The following ITGA9 variants were observed in gnomAD, a reference collection of about 807,000 sequenced individuals.
The protein encoded by ITGA9 is integrin alpha-9.
Under a neutral mutation model 127.8 loss-of-function variants are expected in ITGA9, and 56 were observed. That is an observed-to-expected ratio of 0.44 (90% CI 0.35 to 0.55). ITGA9 has a LOEUF of 0.55. Among genes scored for constraint, ITGA9 ranks in the 20% least tolerant of loss-of-function variants. The probability of loss-of-function intolerance (pLI) is 0.00; values close to 1 mark genes in which losing one functional copy is unlikely to be tolerated. For synonymous variants in ITGA9, 508 were observed against 514.5 expected, an observed-to-expected ratio of 0.99 and a Z score of 0.17; for missense variants, 1,196 against 1,347.1, an observed-to-expected ratio of 0.89 and a Z score of 1.76.
At chr3:37,697,174 C>T (rs553809068) in intron 18 of ITGA9, among the ~76,000 whole-genome samples, 45 of 152,204 alleles carry the variant, frequency 3.0e-4, no homozygotes, top group African/African-American at 1.1e-3. Context: ...CTCGATTGTA[C>T]TCAGACTTGC....
At chr3:37,656,129 T>C (rs570996148) in intron 17 of ITGA9, among the ~76,000 whole-genome samples, 3 of 152,358 alleles carry the variant, frequency 2.0e-5, no homozygotes, top group Admixed American at 6.5e-5. Flanking sequence ...GGTAGCATGA[T>C]GCCTCCAGCT....
chr3:37,698,034 G>A (rs780647592), intron 18 of ITGA9, among the ~76,000 whole-genome samples: 1 of 152,200 alleles, frequency 6.6e-6, no homozygotes, highest in Non-Finnish European at 1.5e-5. Flanking sequence ...ATTCTAACTG[G>A]TGTGAGATGA....
chr3:37,575,849 C>G (rs981756035), intron 15 of ITGA9, among the ~76,000 whole-genome samples: 5 of 152,152 alleles, frequency 3.3e-5, no homozygotes, highest in African/African-American at 9.7e-5. Flanking sequence ...ACTGTGGAAA[C>G]CAGCCGTTAC....
intron 18 of ITGA9, among the ~76,000 whole-genome samples, chr3:37,724,311 C>G (rs1040174959): frequency 1.3e-5 from 2 of 152,178 alleles, no homozygotes; most frequent in African/African-American, 4.8e-5. Flanking sequence ...CAAGACCTAC[C>G]CTAGAGTCAC....
In ITGA9 at chr3:37,452,996, G is replaced by C. The variant is rs1006179556; in HGVS notation, c.185+437G>C. ...GGCACTGGAGCTGCACCCCTCCCCG[G>C]TTTTGGGGAACCCCTGAGGAAGGAG... is the stretch of plus-strand genomic sequence containing the variant. On this transcript the variant is annotated intron_variant, in intron 1 of 27. Coordinates refer to ENST00000264741, the MANE Select transcript of ITGA9 (RefSeq NM_002207.3). This position sits in a 1 kb window ranked among gnomAD's most constrained non-coding sequence, Gnocchi z 7.3. Among the ~76,000 whole-genome samples, 2 of 152,208 alleles carry C rather than the reference G, an allele frequency of 1.3e-5. No individual in the cohort carries two copies. Among genetic ancestry groups the C allele is most frequent in the South Asian group, 2.1e-4 (1 of 4,838 alleles).
intron 15 of ITGA9, among the ~76,000 whole-genome samples, chr3:37,554,959 C>T (rs1699416199): frequency 6.6e-6 from 1 of 152,012 alleles, no homozygotes; most frequent in Admixed American, 6.5e-5. Context: ...TGGGAGTCGC[C>T]AGCAGACAGA....
At chr3:37,511,890 A>C (rs570643838) in intron 8 of ITGA9, among the ~76,000 whole-genome samples, 1 of 152,314 alleles carries the variant, frequency 6.6e-6, no homozygotes, top group South Asian at 2.1e-4. Context: ...GTAAAAGAAA[A>C]GGCTTGTTCA....
At chr3:37,758,429 T>C (rs1383169551) in intron 23 of ITGA9, among the ~76,000 whole-genome samples, 1 of 150,478 alleles carries the variant, frequency 6.6e-6, no homozygotes, top group Non-Finnish European at 1.5e-5. Context: ...CTAAGTTGGT[T>C]CTCCATGAGG....
chr3:37,538,952 A>T (rs1312599361), intron 14 of ITGA9, among the ~76,000 whole-genome samples: 1 of 152,220 alleles, frequency 6.6e-6, no homozygotes, highest in Non-Finnish European at 1.5e-5. Flanking sequence ...TATGTCTGTG[A>T]TTGTATGTTT....
intron 13 of ITGA9, among the ~76,000 whole-genome samples, chr3:37,530,717 G>GTTTT (rs71094916): frequency 4.6e-5 from 4 of 86,254 alleles, no homozygotes; most frequent in African/African-American, 4.8e-5. Flanking sequence ...CAGCTACCAG[G>GTTTT]TTTTTTTTTT....
intron 18 of ITGA9, among the ~76,000 whole-genome samples, chr3:37,710,633 T>C (rs1701069382): frequency 6.6e-6 from 1 of 152,216 alleles, no homozygotes; most frequent in Admixed American, 6.5e-5. Context: ...TGTTATTTTT[T>C]ATTTTATCAG....
At chr3:37,466,483 CAAAAA>C (rs60980366) in intron 1 of ITGA9, among the ~76,000 whole-genome samples, 2 of 26,066 alleles carry the variant, frequency 7.7e-5, no homozygotes, top group Non-Finnish European at 1.2e-4. Flanking sequence ...GACACCATCT[CAAAAA>C]AAAAAAAAAA....
chr3:37,696,629 G>A (rs765516027), intron 18 of ITGA9, among the ~76,000 whole-genome samples: 1 of 152,148 alleles, frequency 6.6e-6, no homozygotes, highest in Non-Finnish European at 1.5e-5. Context: ...GCTGTCTCTA[G>A]TTTGGCATCT....
chr3:37,636,318 A>G (rs374056709), intron 16 of ITGA9, among the ~76,000 whole-genome samples: 6 of 152,000 alleles, frequency 3.9e-5, no homozygotes, highest in Non-Finnish European at 2.9e-5. Context: ...TTTAATGATC[A>G]CCATTCTAAC....
chr3:37,709,657 G>A lies in ITGA9; in HGVS notation c.2068-23055G>A, dbSNP rs181469087. The stretch of plus-strand genomic sequence containing the variant: ...CTCACCATGGGTGGACTGAGCAGAC[G>A]CCTGCCCTCACACACAACCCCATGC... On this transcript the variant is annotated intron_variant, in intron 18 of 27. Transcript: ENST00000264741. Among the ~76,000 whole-genome samples, 30 of 152,334 alleles carry A rather than the reference G, an allele frequency of 2.0e-4. No homozygotes were observed. The East Asian group carries it at 2.3e-3, about 12-fold the overall frequency.
chr3:37,498,377 CAG>C (rs1463467637), intron 5 of ITGA9, among the ~76,000 whole-genome samples: 1 of 152,090 alleles, frequency 6.6e-6, no homozygotes, highest in Admixed American at 6.5e-5. Flanking sequence ...GAGATGTTGA[CAG>C]AGAGCCGAGG....
chr3:37,708,633 G>GCACA (rs2125676890), intron 18 of ITGA9, among the ~76,000 whole-genome samples: 2 of 158 alleles, frequency 0.013, no homozygotes, highest in African/African-American at 0.031. Flanking sequence ...GGGTATGCCA[G>GCACA]GGATGCTGCT....
chr3:37,704,833 A>T (rs988976186), intron 18 of ITGA9, among the ~76,000 whole-genome samples: 1 of 152,204 alleles, frequency 6.6e-6, no homozygotes, highest in African/African-American at 2.4e-5. Flanking sequence ...GCAGAGTACA[A>T]TGTGGGCAAT....
At chr3:37,653,588 TG>T (rs1700449043) in intron 16 of ITGA9, 125 bp from the exon 17 acceptor site, 1 of 785,626 alleles carries the variant, frequency 1.3e-6, no homozygotes, top group Non-Finnish European at 2.3e-6. Context: ...TTTTTGGAGG[TG>T]GGAGTAGAAG....
Sources: allele counts gnomAD v4.1 joint callset (sites outside exome capture counted in the v4.1 genomes callset), GRCh38; gene constraint gnomAD v4.1.1; non-coding constraint Gnocchi (gnomAD v3.1); transcripts MANE v1.5; gene names NCBI Gene and HGNC (gene_info 2026-07-23, HGNC 2026-07-21).